Variants in UBLCP1 observed in about 807,000 individuals in gnomAD.
The protein encoded by UBLCP1 is ubiquitin-like domain-containing CTD phosphatase 1.
A neutral mutation model predicts 42.4 loss-of-function variants in UBLCP1; 28 were observed. The ratio of observed to expected loss-of-function variants is 0.66; its 90% CI spans 0.49 to 0.90. UBLCP1 has a LOEUF of 0.90. UBLCP1 is among the 40% of genes least tolerant of loss of function. The pLI is 0.00. For synonymous variants in UBLCP1, 122 were observed against 120.8 expected (o/e 1.01, Z -0.07); for missense variants, 279 against 374.5 (o/e 0.75, Z 2.10).
At chr5:159,283,455 A>C in intron 10 of UBLCP1, 116 bp downstream of exon 10, 1 of 873,964 alleles carries the variant, frequency 1.1e-6, no homozygotes, top group Admixed American at 3.1e-5. Context: ...AAAATAGGTG[A>C]CTTCTAAAAA....
chr5:159,276,678 A>C (rs749040863), intron 8 of UBLCP1, among the ~76,000 whole-genome samples: 4 of 152,234 alleles, frequency 2.6e-5, no homozygotes, highest in Non-Finnish European at 5.9e-5. Context: ...AATGATTTAG[A>C]AATTTTCATG....
At chr5:159,267,015 C>G (rs1386272532) in intron 1 of UBLCP1, among the ~76,000 whole-genome samples, 2 of 152,286 alleles carry the variant, frequency 1.3e-5, no homozygotes, top group East Asian at 3.9e-4. Context: ...GTCAGAGCCC[C>G]CATACAGAGT....
chr5:159,270,746 A>G (rs1380514512), intron 5 of UBLCP1, 103 bp downstream of exon 5: 2 of 697,442 alleles, frequency 2.9e-6, no homozygotes, highest in African/African-American at 3.7e-5. Context: ...TTCTCGTGAA[A>G]TACTTGAAAA....
chr5:159,270,300 T>C, intron 3 of UBLCP1, 60 bp from the exon 4 acceptor site: 1 of 1,299,302 alleles, frequency 7.7e-7, no homozygotes, highest in Non-Finnish European at 1.1e-6. Context: ...TTTTATGCTA[T>C]GCATGTATTT....
At chr5:159,276,323 T>C (rs940026504) in intron 8 of UBLCP1, among the ~76,000 whole-genome samples, 1 of 151,874 alleles carries the variant, frequency 6.6e-6, no homozygotes, top group Non-Finnish European at 1.5e-5. Context: ...CCCAAACTAA[T>C]AGGAATTGAG....
chr5:159,275,003 TA>T, intron 7 of UBLCP1, 144 bp from the exon 8 acceptor site: 1 of 689,818 alleles, frequency 1.4e-6, no homozygotes, highest in Non-Finnish European at 2.5e-6. Context: ...TAAGTGAAAC[TA>T]AAATACTTCC....
intron 9 of UBLCP1, among the ~76,000 whole-genome samples, 185 bp from the exon 10 acceptor site, chr5:159,283,027 A>G (rs1399443330): frequency 6.6e-6 from 1 of 152,042 alleles, no homozygotes; most frequent in Admixed American, 6.6e-5. Context: ...TAAAATAGGT[A>G]GAAGAGTTTG....
intron 8 of UBLCP1, among the ~76,000 whole-genome samples, chr5:159,276,052 A>C (rs1753532157): frequency 1.3e-5 from 2 of 152,206 alleles, no homozygotes. Flanking sequence ...TTAAGTATCT[A>C]CTGTCTGGAA....
At position 159,285,108 on chromosome 5, in the gene UBLCP1, TA is replaced by T; in HGVS notation, c.*183del. 1 of 594,710 alleles carries T rather than the reference TA, an allele frequency of 1.7e-6. No homozygotes were observed. The allele number at this position is 594,710 out of a possible 1,614,324, so 36.8% of individuals were successfully genotyped here. The stretch of plus-strand genomic sequence containing the variant: ...TTTTTTGAAGATGATAGCAATATGC[TA>T]AAAAATGCTTGTCCCCTATATGAAT... On this transcript the variant is annotated 3_prime_UTR_variant, in exon 11 of 11. Coordinates refer to ENST00000296786, the MANE Select transcript of UBLCP1 (RefSeq NM_145049.5).
chr5:159,274,038 T>C (rs888395503), intron 6 of UBLCP1, among the ~76,000 whole-genome samples: 3 of 152,204 alleles, frequency 2.0e-5, no homozygotes, highest in African/African-American at 4.8e-5. Context: ...GATGCAGGTA[T>C]ACTTCATGAA....
intron 9 of UBLCP1, among the ~76,000 whole-genome samples, chr5:159,278,728 A>G (rs1753569821): frequency 6.6e-6 from 1 of 152,016 alleles, no homozygotes; most frequent in Non-Finnish European, 1.5e-5. Context: ...ACGCACCACC[A>G]CACCCAGCTA....
chr5:159,283,894 C>T (rs975787748), intron 10 of UBLCP1, among the ~76,000 whole-genome samples: 1 of 152,022 alleles, frequency 6.6e-6, no homozygotes, highest in African/African-American at 2.4e-5. Flanking sequence ...AATGTTTGCA[C>T]AAATCTATAT....
At chr5:159,268,058 C>T (rs1753419900) in intron 1 of UBLCP1, among the ~76,000 whole-genome samples, 1 of 151,404 alleles carries the variant, frequency 6.6e-6, no homozygotes. Context: ...CTGTAACTAG[C>T]TATGTGTCTA....
Position 159,269,088 on chromosome 5 carries a change from C to T in UBLCP1, c.154+19C>T. On this transcript the variant is annotated intron_variant, in intron 2 of 10. Coordinates refer to ENST00000296786, the MANE Select transcript of UBLCP1 (RefSeq NM_145049.5). The stretch of plus-strand genomic sequence containing the variant: ...GTTAAAGGTAATTCTCTCCCCTCTT[C>T]AGATTTTTTGCATTGAATTTTTAGT... The T allele has an allele frequency of 2.0e-6, 3 of 1,493,566 alleles. No homozygotes were observed. The highest frequency in any genetic ancestry group is 2.7e-6 in the Non-Finnish European group (3 of 1,125,730). 92.5% of individuals were successfully genotyped at this position (1,493,566 alleles called of 1,614,324 possible).
chr5:159,284,637 G>A (rs1753648202), intron 10 of UBLCP1, among the ~76,000 whole-genome samples: 2 of 152,146 alleles, frequency 1.3e-5, no homozygotes, highest in South Asian at 4.1e-4. Flanking sequence ...CTAGCTGTGT[G>A]AATTTGGGCA....
intron 1 of UBLCP1, among the ~76,000 whole-genome samples, chr5:159,266,035 A>G (rs893410457): frequency 1.3e-5 from 2 of 152,208 alleles, no homozygotes; most frequent in African/African-American, 4.8e-5. Context: ...AATTGGTACT[A>G]GTAGAGTGGG....
chr5:159,264,982 A>G (rs2113307555), intron 1 of UBLCP1, among the ~76,000 whole-genome samples: 1 of 152,306 alleles, frequency 6.6e-6, no homozygotes, highest in Non-Finnish European at 1.5e-5. Flanking sequence ...AAATATTTAA[A>G]CTGTATTTCA....
At position 159,285,243 on chromosome 5, in the gene UBLCP1, CAAA is replaced by C. The variant is rs140230683; in HGVS notation, c.*313_*315del. The C allele has an allele frequency of 0.041, 6,975 of 168,122 alleles. 531 individuals are homozygous for C. The highest frequency in any genetic ancestry group is 0.064 in the Admixed American group (868 of 13,518). 10.4% of individuals were successfully genotyped at this position (168,122 alleles called of 1,614,324 possible). On this transcript the variant is annotated 3_prime_UTR_variant, in exon 11 of 11. Transcript: ENST00000296786. ...ACACACACACACACACACACACACACAAAGTGGAGAAAAATGTATACTCAACAA... is the reference window on the plus strand; with the variant it reads ...ACACACACACACACACACACACACACGTGGAGAAAAATGTATACTCAACAA...
rs117275544 is a variant in UBLCP1, at chr5:159,271,886, C to T, written c.449-137C>T. ...TGAAAGACATCTTTTTGTCAGCCAA[C>T]GTAATTCAGTCTGAAGCAGTTTGCA... is the stretch of plus-strand genomic sequence containing the variant. On this transcript the variant is annotated intron_variant, in intron 5 of 10. Coordinates refer to ENST00000296786, the MANE Select transcript of UBLCP1 (RefSeq NM_145049.5). The T allele has an allele frequency of 2.0e-3, 1,083 of 542,232 alleles. 18 individuals are homozygous for T. In the East Asian group the frequency reaches 0.029, roughly 15 times the overall value. The allele number at this position is 542,232 out of a possible 1,614,324, so 33.6% of individuals were successfully genotyped here. A position where few individuals can be genotyped will look rare whatever the true frequency, so the allele number is the denominator to read the frequency against.
Sources: gnomAD v4.1 joint callset for allele counts (sites outside exome capture counted in the v4.1 genomes callset) on GRCh38, gnomAD v4.1.1 for gene constraint, MANE v1.5 for transcripts, NCBI Gene and HGNC (gene_info 2026-07-23, HGNC 2026-07-21) for gene names.